The following ADGRD1 variants were observed in gnomAD, a reference collection of about 807,000 sequenced individuals.
ADGRD1 encodes G-protein coupled receptor 133.
Under a neutral mutation model 113.4 loss-of-function variants are expected in ADGRD1, and 77 were observed. The observed-to-expected ratio is 0.68, with a 90% CI of 0.57 to 0.82. ADGRD1 has a LOEUF of 0.82. ADGRD1 is among the 40% of genes least tolerant of loss of function. The pLI is 0.00. For missense variants in ADGRD1, 1,036 were observed against 1,139.1 expected, an observed-to-expected ratio of 0.91 and a Z score of 1.30; for synonymous variants, 474 against 475.0, an observed-to-expected ratio of 1.00 and a Z score of 0.03.
rs753003905 is a variant in ADGRD1, at chr12:131,108,851, A to C, written c.2015A>C (p.His672Pro). 1.3e-5 allele frequency: 20 copies of C among 1,543,350 alleles called. No homozygotes were observed. The East Asian group carries it at 4.7e-4, about 36-fold the overall frequency. The part of the protein sequence containing the change: ...IKVFGSEDSK[H>P]RYYYGMGWGF... Reference sequence around the variant, plus strand: ...GTCTTTGGGTCGGAGGACAGCAAGCACCGTTACTACTATGGGATGGGATGG... The same window carrying C: ...GTCTTTGGGTCGGAGGACAGCAAGCCCCGTTACTACTATGGGATGGGATGG... Residue 672 changes from histidine (H) to proline (P), a missense_variant, in exon 18 of 25, where the codon CAC (histidine) becomes CCC (proline). By Grantham distance (77) the His-to-Pro change is moderately conservative. Transcript: ENST00000261654.
chr12:131,138,318 A>T, intron 24 of ADGRD1, 89 bp downstream of exon 24: 1 of 1,131,390 alleles, frequency 8.8e-7, no homozygotes, highest in Non-Finnish European at 1.3e-6. Flanking sequence ...CAGGCAGCAG[A>T]GGTGGCTTCG....
At chr12:131,063,071 A>T (rs192280612) in intron 13 of ADGRD1, among the ~76,000 whole-genome samples, 4 of 152,210 alleles carry the variant, frequency 2.6e-5, no homozygotes, top group Non-Finnish European at 5.9e-5. Context: ...CCATTTTCTA[A>T]TTGGATTCTT....
In ADGRD1 at chr12:130,992,330, A is replaced by C; in HGVS notation, c.904A>C (p.Asn302His). 1.2e-6 allele frequency: 2 copies of C among 1,613,138 alleles called. No individual in the cohort carries two copies. The highest frequency in any genetic ancestry group is 1.7e-6 in the Non-Finnish European group (2 of 1,179,154). ...CGGAGTGATACTGAGTTACCTCCAA[A>C]ATGTATCCCTCAGCTTACCCAGTAA... ...SPGVILSYLQ[N>H]VSLSLPSKSL... The change falls in exon 8 of 25, where the codon AAT becomes CAT. Residue 302 changes from asparagine to histidine, a missense_variant. Physicochemically the swap from Asn to His is moderately conservative, Grantham distance 68. Transcript: ENST00000261654.
Position 131,134,090 on chromosome 12 carries a change from C to T in ADGRD1, c.2268-1947C>T, listed in dbSNP as rs567719752. On this transcript the variant is annotated intron_variant, in intron 21 of 24. Coordinates refer to ENST00000261654, the MANE Select transcript of ADGRD1 (RefSeq NM_198827.5). ...TGTTTATTGATTGTGATTCCAGACT[C>T]CTGAAAAAGAAGCAGAGAATGGTCA... Among the ~76,000 whole-genome samples, 10 of 152,318 alleles carry T rather than the reference C, an allele frequency of 6.6e-5. No homozygotes were observed. In the South Asian group the frequency reaches 2.1e-3, roughly 32 times the overall value.
intron 12 of ADGRD1, among the ~76,000 whole-genome samples, chr12:131,012,981 C>T (rs1174691080): frequency 6.6e-6 from 1 of 152,154 alleles, no homozygotes; most frequent in African/African-American, 2.4e-5. Context: ...ACTTGGTGAC[C>T]TGCTGTGTGC....
At chr12:131,076,983 G>A (rs1330696823) in intron 14 of ADGRD1, 109 bp downstream of exon 14, 2 of 919,948 alleles carry the variant, frequency 2.2e-6, no homozygotes, top group African/African-American at 3.3e-5. Context: ...AGCTGACATG[G>A]TTGCGTTATG....
intron 13 of ADGRD1, 40 bp downstream of exon 13, chr12:131,014,380 C>T: frequency 6.3e-7 from 1 of 1,582,058 alleles, no homozygotes. Flanking sequence ...CGCCTTTGAT[C>T]TGGTTTCACA....
chr12:130,958,492 A>ATG (rs1360926551), intron 2 of ADGRD1, among the ~76,000 whole-genome samples: 2 of 151,808 alleles, frequency 1.3e-5, no homozygotes, highest in African/African-American at 2.4e-5. Flanking sequence ...GAGCCACCGC[A>ATG]CCCAGCCCCA....
intron 13 of ADGRD1, among the ~76,000 whole-genome samples, chr12:131,044,618 G>A (rs1882485706): frequency 6.6e-6 from 1 of 152,166 alleles, no homozygotes; most frequent in Non-Finnish European, 1.5e-5. Flanking sequence ...ACGATTCCCA[G>A]GCCTGGTTTA....
intron 15 of ADGRD1, among the ~76,000 whole-genome samples, chr12:131,085,199 GGAGT>G (rs1886372432): frequency 6.6e-6 from 1 of 152,226 alleles, no homozygotes; most frequent in African/African-American, 2.4e-5. Context: ...CTGTGTTCAC[GGAGT>G]GGTGAGGAGA....
intron 15 of ADGRD1, among the ~76,000 whole-genome samples, chr12:131,085,229 C>T (rs770171998): frequency 2.0e-5 from 3 of 152,104 alleles, no homozygotes; most frequent in Non-Finnish European, 4.4e-5. Flanking sequence ...GGGAGCGGGG[C>T]GTCTTCACGG....
At chr12:131,021,909 G>C (rs1319608092) in intron 13 of ADGRD1, among the ~76,000 whole-genome samples, 1 of 152,138 alleles carries the variant, frequency 6.6e-6, no homozygotes, top group Non-Finnish European at 1.5e-5. Context: ...ATCTCACTAT[G>C]TTGCTTAGGC....
intron 20 of ADGRD1, among the ~76,000 whole-genome samples, chr12:131,125,155 A>C (rs985396509): frequency 2.0e-5 from 3 of 152,146 alleles, no homozygotes; most frequent in African/African-American, 7.2e-5. Context: ...TTTTAACATA[A>C]TTATGTCTTT....
chr12:131,042,965 G>GCTGCGGCCCTCCCCGCC (rs1882292412), intron 13 of ADGRD1, among the ~76,000 whole-genome samples: 1 of 152,260 alleles, frequency 6.6e-6, no homozygotes. Flanking sequence ...CCCATGCGAG[G>GCTGCGGCCCTCCCCGCC]CTGCGGCCCT....
intron 20 of ADGRD1, among the ~76,000 whole-genome samples, chr12:131,126,562 C>T (rs1288544522): frequency 1.3e-5 from 2 of 152,176 alleles, no homozygotes; most frequent in African/African-American, 4.8e-5. Context: ...TGTTTATTCA[C>T]AAATCAACAT....
At chr12:130,962,550 C>T (rs997904797) in intron 2 of ADGRD1, 1 of 152,084 alleles carries the variant, frequency 6.6e-6, no homozygotes. Flanking sequence ...AATGAATATC[C>T]TAGACTTTAG....
intron 15 of ADGRD1, among the ~76,000 whole-genome samples, chr12:131,102,394 G>A (rs1566111289): frequency 6.6e-6 from 1 of 152,242 alleles, no homozygotes; most frequent in Non-Finnish European, 1.5e-5. Context: ...ATACTCGGCA[G>A]GTGACTGATG....
chr12:131,072,070 T>G (rs1377441013), intron 13 of ADGRD1, among the ~76,000 whole-genome samples: 2 of 150,522 alleles, frequency 1.3e-5, no homozygotes. Flanking sequence ...TCAGAGTACT[T>G]TCTTTTCTTT....
intron 2 of ADGRD1, among the ~76,000 whole-genome samples, chr12:130,963,886 G>C (rs2078046431): frequency 1.3e-5 from 2 of 152,124 alleles, no homozygotes; most frequent in Admixed American, 6.5e-5. Flanking sequence ...TTCAGAAGGG[G>C]TGTACTGATT....
Sources: gnomAD v4.1 joint callset for allele counts (sites outside exome capture counted in the v4.1 genomes callset) on GRCh38, gnomAD v4.1.1 for gene constraint, MANE v1.5 for transcripts, NCBI Gene and HGNC (gene_info 2026-07-23, HGNC 2026-07-21) for gene names.